MRI1: variants seen among roughly 807,000 people sequenced by gnomAD.
MRI1 encodes methylthioribose-1-phosphate isomerase 1.
Under a neutral mutation model 27.3 loss-of-function variants are expected in MRI1, and 32 were observed. That is an observed-to-expected ratio of 1.17 (90% confidence interval 0.88 to 1.57). MRI1 has a LOEUF of 1.57. Ranked by LOEUF, MRI1 falls within the 40% of genes most tolerant of loss-of-function variation. MRI1 has a pLI of 0.00. For missense variants in MRI1, 508 were observed against 516.1 expected, an observed-to-expected ratio of 0.98 and a Z score of 0.15; for synonymous variants, 216 against 227.4, an observed-to-expected ratio of 0.95 and a Z score of 0.45.
chr19:13,768,482 C>G (rs1974191621), intron 3 of MRI1, 79 bp from the exon 4 acceptor site: 1 of 1,588,556 alleles, frequency 6.3e-7, no homozygotes, highest in African/African-American at 1.3e-5. Flanking sequence ...AGACTAGGAG[C>G]CTGCACCCCT....
In MRI1 at chr19:13,772,414, T is replaced by TA; in HGVS notation, c.*134dup. 1 of 818,412 alleles carries TA rather than the reference T, an allele frequency of 1.2e-6. No individual in the cohort carries two copies. The highest frequency in any genetic ancestry group is 1.9e-6 in the Non-Finnish European group (1 of 538,028). The allele number at this position is 818,412 out of a possible 1,614,324, so 50.7% of individuals were successfully genotyped here. A position where few individuals can be genotyped will look rare whatever the true frequency, so the allele number is the denominator to read the frequency against. On this transcript the variant is annotated 3_prime_UTR_variant, in exon 6 of 6. Coordinates refer to ENST00000040663, the MANE Select transcript of MRI1 (RefSeq NM_001031727.4). ...GGGAGCTCAGACAGGGCCTTCCATC[T>TA]AGAGCCCAGCACCTAGAGCCAGGCT...
intron 5 of MRI1, among the ~76,000 whole-genome samples, chr19:13,770,852 C>T (rs1974254716): frequency 6.6e-6 from 1 of 151,704 alleles, no homozygotes; most frequent in Non-Finnish European, 1.5e-5. Flanking sequence ...CACAGCACTC[C>T]AGCCTGGGCA....
chr19:13,773,575 G>C lies in MRI1; in HGVS notation c.*1294G>C, dbSNP rs1484624818. The stretch of plus-strand genomic sequence containing the variant: ...GCCCAGGAGTTCAAGGATGCAGTGT[G>C]CTTTGATTGCACTACTGCACTTCAC... On this transcript the variant is annotated 3_prime_UTR_variant, in exon 6 of 6. Transcript: ENST00000040663. 1 of 153,714 alleles carries C rather than the reference G, an allele frequency of 6.5e-6. No homozygotes were observed. The highest frequency in any genetic ancestry group is 1.5e-5 in the Non-Finnish European group (1 of 68,068). 9.5% of individuals were successfully genotyped at this position (153,714 alleles called of 1,614,324 possible).
At chr19:13,765,372 C>T (rs1192190101) in intron 2 of MRI1, among the ~76,000 whole-genome samples, 1 of 152,162 alleles carries the variant, frequency 6.6e-6, no homozygotes, top group African/African-American at 2.4e-5. Context: ...TACACGCAGC[C>T]CCTTATCCGC....
At chr19:13,769,216 T>C (rs1287721574) in intron 5 of MRI1, among the ~76,000 whole-genome samples, 168 bp downstream of exon 5, 3 of 152,112 alleles carry the variant, frequency 2.0e-5, no homozygotes, top group South Asian at 2.1e-4. Flanking sequence ...CAGGCTAGAG[T>C]GCAGTGGCAC....
Position 13,772,704 on chromosome 19 carries a change from T to G in MRI1, c.*423T>G. On this transcript the variant is annotated 3_prime_UTR_variant, in exon 6 of 6. Transcript: ENST00000040663. ...TTAGCCGGGTGTGGTGGTGGGCACC[T>G]GCAGTCCCAGCTACTTGGGAGGCTG... 1 of 153,336 alleles carries G rather than the reference T, an allele frequency of 6.5e-6. No homozygotes were observed. Among genetic ancestry groups the G allele is most frequent in the South Asian group, 2.0e-4 (1 of 5,002 alleles). The allele number at this position is 153,336 out of a possible 1,614,324, so 9.5% of individuals were successfully genotyped here.
chr19:13,771,391 C>T (rs146026575), intron 5 of MRI1, among the ~76,000 whole-genome samples: 74 of 151,880 alleles, frequency 4.9e-4, no homozygotes, highest in Non-Finnish European at 2.1e-4. Context: ...AACAGCTAGA[C>T]ATGATGGTGC....
In MRI1 at chr19:13,766,002, C is replaced by G. The variant is rs1181067363; in HGVS notation, c.420C>G (p.Asn140Lys). 1.9e-6 allele frequency: 3 copies of G among 1,612,730 alleles called. No homozygotes were observed. The highest frequency in any genetic ancestry group is 3.3e-5 in the Admixed American group (2 of 59,790). ...EDMLEKDLRD[N>K]RSIGDLGARH... ...TGCTGGAGAAAGACCTCAGAGACAA[C>G]CGAAGCATTGGGGACCTAGGAGCCC... The change falls in exon 3 of 6, where the codon AAC becomes AAG. Residue 140 changes from asparagine to lysine, a missense_variant. Asn to Lys is a moderately conservative substitution (Grantham distance 94, BLOSUM62 0). Transcript: ENST00000040663.
At chr19:13,769,684 G>A (rs1484081870) in intron 5 of MRI1, among the ~76,000 whole-genome samples, 1 of 151,944 alleles carries the variant, frequency 6.6e-6, no homozygotes, top group East Asian at 1.9e-4. Context: ...CACTTTGGGA[G>A]GCCGAGGCGG....
At chr19:13,765,161 T>G in intron 2 of MRI1, 52 bp downstream of exon 2, 1 of 1,385,436 alleles carries the variant, frequency 7.2e-7, no homozygotes, top group Non-Finnish European at 9.6e-7. Flanking sequence ...ATATTGACTC[T>G]TTTTAAGTAC....
chr19:13,771,736 A>C (rs1442533714), intron 5 of MRI1, among the ~76,000 whole-genome samples: 2 of 151,962 alleles, frequency 1.3e-5, no homozygotes, highest in Non-Finnish European at 2.9e-5. Flanking sequence ...CATGCCTGTA[A>C]TCCCAGCTAC....
chr19:13,769,391 T>C (rs954566956), intron 5 of MRI1, among the ~76,000 whole-genome samples: 3 of 152,032 alleles, frequency 2.0e-5, no homozygotes, highest in African/African-American at 7.2e-5. Flanking sequence ...TATTAACTAC[T>C]GACCTCAAGC....
intron 3 of MRI1, 151 bp from the exon 4 acceptor site, chr19:13,768,410 A>T (rs1599554329): frequency 6.5e-7 from 1 of 1,541,834 alleles, no homozygotes. Flanking sequence ...GGCAGAGGGA[A>T]CTGCCACTGC....
intron 5 of MRI1, among the ~76,000 whole-genome samples, chr19:13,771,176 G>T (rs186196475): frequency 1.3e-5 from 2 of 151,502 alleles, no homozygotes; most frequent in East Asian, 3.9e-4. Context: ...TGGCCAATGT[G>T]GTGAAACCCC....
chr19:13,768,533 C>G, intron 3 of MRI1, 28 bp from the exon 4 acceptor site: 1 of 1,597,586 alleles, frequency 6.3e-7, no homozygotes, highest in South Asian at 1.1e-5. Context: ...TCCCCGGGGC[C>G]TTCTCCTGGT....
intron 3 of MRI1, among the ~76,000 whole-genome samples, chr19:13,768,029 C>A (rs944923563): frequency 2.6e-5 from 4 of 151,804 alleles, no homozygotes; most frequent in African/African-American, 9.7e-5. Context: ...CCACCACGCC[C>A]GGCTAATTTT....
rs146715958 is a variant in MRI1 at position 13,771,599 on chromosome 19, C to T, written c.950-522C>T. 1.3e-3 allele frequency among the ~76,000 whole-genome samples: 199 copies of T among 151,558 alleles called. 1 individual carries two copies. Among genetic ancestry groups the T allele is most frequent in the African/African-American group, 4.3e-3 (179 of 41,286 alleles). On this transcript the variant is annotated intron_variant, in intron 5 of 5. Transcript: ENST00000040663. ...GGGATGGGCCAGGTGCGGTGGCTCA[C>T]GCCTGTAATCCCAGCACTTTGGGAG...
At chr19:13,767,029 ATATATATATTTTTTTTTTTTTT>A (rs149394020) in intron 3 of MRI1, among the ~76,000 whole-genome samples, 1,709 of 42,064 alleles carry the variant, frequency 0.041, 37 homozygotes, top group African/African-American at 0.1. Context: ...ATATATATAT[ATATATATATTTTTTTTTTTTTT>A]TTTTTTTTTT....
At position 13,773,339 on chromosome 19, in the gene MRI1, A is replaced by G. The variant is rs764992530; in HGVS notation, c.*1058A>G. On this transcript the variant is annotated 3_prime_UTR_variant, in exon 6 of 6. Transcript: ENST00000040663. ...CAGTATTTTTTAAAAATCAAAATTA[A>G]TGCAAAAATCCATGATGAGGCCAGG... 1 of 151,946 alleles carries G rather than the reference A, an allele frequency of 6.6e-6. No homozygotes were observed. Among genetic ancestry groups the G allele is most frequent in the Non-Finnish European group, 1.5e-5 (1 of 67,996 alleles). The allele number at this position is 151,946 out of a possible 1,614,324, so 9.4% of individuals were successfully genotyped here. A position where few individuals can be genotyped will look rare whatever the true frequency, so the allele number is the denominator to read the frequency against.
Sources: gnomAD v4.1 joint callset for allele counts (sites outside exome capture counted in the v4.1 genomes callset) on GRCh38, gnomAD v4.1.1 for gene constraint, MANE v1.5 for transcripts, NCBI Gene and HGNC (gene_info 2026-07-23, HGNC 2026-07-21) for gene names.